Variants in TMEM164 observed in about 807,000 individuals in gnomAD.
The protein encoded by TMEM164 is transmembrane protein 164, also known as RP13-360B22.2.
A neutral mutation model predicts 18.8 loss-of-function variants in TMEM164; 4 were observed. The observed-to-expected ratio is 0.21, with a 90% CI of 0.10 to 0.49. The LOEUF (loss-of-function observed/expected upper bound fraction) is 0.49, where lower values mean the gene tolerates loss of function less well. Among genes scored for constraint, TMEM164 ranks in the 20% least tolerant of loss-of-function variants. The pLI, the probability that TMEM164 is intolerant of heterozygous loss-of-function variation, is 0.98. For synonymous variants in TMEM164, 86 were observed against 101.7 expected (o/e 0.85, Z 0.93); for missense variants, 108 against 239.9 (o/e 0.45, Z 3.63).
At chrX:110,097,692 T>C (rs2066043875) in intron 3 of TMEM164, among the ~76,000 whole-genome samples, 1 of 112,243 alleles carries the variant, frequency 8.9e-6, no homozygotes, top group Non-Finnish European at 1.9e-5. Flanking sequence ...AGAGGACAAC[T>C]GAATCAATAA....
chrX:110,146,903 C>G (rs868656223), intron 5 of TMEM164, among the ~76,000 whole-genome samples: 1 of 112,469 alleles, frequency 8.9e-6, no homozygotes, highest in Non-Finnish European at 1.9e-5. Context: ...AGCCGAGAGT[C>G]TGGGGCTTCT....
chrX:110,022,572 C>T (rs1008872821), intron 2 of TMEM164, among the ~76,000 whole-genome samples: 8 of 111,191 alleles, frequency 7.2e-5, no homozygotes, highest in Non-Finnish European at 1.5e-4. Context: ...AAAAACCCAG[C>T]GGTGGTAAAA....
chrX:110,051,647 G>T (rs1935567463), intron 2 of TMEM164, among the ~76,000 whole-genome samples: 1 of 111,085 alleles, frequency 9.0e-6, no homozygotes, highest in South Asian at 3.8e-4. Flanking sequence ...AGCTGGCTTG[G>T]CTTCTGGGCT....
At chrX:110,028,575 G>A (rs774590401) in intron 2 of TMEM164, among the ~76,000 whole-genome samples, 1 of 111,876 alleles carries the variant, frequency 8.9e-6, no homozygotes, top group East Asian at 2.8e-4. Context: ...AAGTATTTTG[G>A]AATTTCCATT....
At position 110,004,030 on chromosome X, in the gene TMEM164, G is replaced by C; in HGVS notation, c.256G>C (p.Gly86Arg). The change falls in exon 2 of 7, where the codon GGC becomes CGC. Residue 86 changes from glycine to arginine, a missense_variant. Physicochemically the swap from Gly to Arg is moderately radical, Grantham distance 125. Coordinates refer to ENST00000372068, the MANE Select transcript of TMEM164 (RefSeq NM_032227.4). The stretch of plus-strand genomic sequence containing the variant: ...GCAGGTGACCCAGCGGCCAGAGGAA[G>C]GCAAGGAGAGCCTGAGCAAGAATCT... ...PEQVTQRPEE[G>R]KESLSKNLLL... 1 of 1,211,520 alleles carries C rather than the reference G, an allele frequency of 8.3e-7. No homozygotes were observed. Among genetic ancestry groups the C allele is most frequent in the Non-Finnish European group, 1.1e-6 (1 of 895,475 alleles).
intron 2 of TMEM164, among the ~76,000 whole-genome samples, chrX:110,038,199 G>C (rs1343558622): frequency 9.1e-6 from 1 of 110,234 alleles, no homozygotes; most frequent in Non-Finnish European, 1.9e-5. Flanking sequence ...CACCGTTTTA[G>C]CCGGGATGGT....
intron 3 of TMEM164, among the ~76,000 whole-genome samples, chrX:110,101,970 T>C (rs1485815800): frequency 9.2e-6 from 1 of 108,965 alleles, no homozygotes; most frequent in East Asian, 2.9e-4. Context: ...TTTGCTCTTA[T>C]TTTTTTTATT....
chrX:110,035,306 C>T (rs1934739968), intron 2 of TMEM164, among the ~76,000 whole-genome samples: 1 of 108,897 alleles, frequency 9.2e-6, no homozygotes, highest in Non-Finnish European at 1.9e-5. Context: ...AACATTTTTG[C>T]TTATTCTCCT....
intron 3 of TMEM164, among the ~76,000 whole-genome samples, chrX:110,079,673 A>G (rs950755898): frequency 3.6e-5 from 4 of 111,272 alleles, no homozygotes; most frequent in African/African-American, 1.3e-4. Flanking sequence ...GCCAATTGAG[A>G]TGTCTGTGGT....
chrX:110,035,075 T>TG (rs1334902611), intron 2 of TMEM164, among the ~76,000 whole-genome samples: 11 of 37,169 alleles, frequency 3.0e-4, no homozygotes, highest in Admixed American at 1.4e-3. Flanking sequence ...TGTTGTGGGG[T>TG]GGGGGGAGGG....
At chrX:110,140,574 G>A (rs922974168) in intron 4 of TMEM164, among the ~76,000 whole-genome samples, 3 of 111,389 alleles carry the variant, frequency 2.7e-5, no homozygotes, top group Non-Finnish European at 5.7e-5. Flanking sequence ...TTCTTTCCAC[G>A]AACAGAGTCC....
At chrX:110,005,007 C>A (rs1179490671) in intron 2 of TMEM164, among the ~76,000 whole-genome samples, 1 of 112,109 alleles carries the variant, frequency 8.9e-6, no homozygotes, top group African/African-American at 3.2e-5. Flanking sequence ...AAGAGTGAGA[C>A]TGTCTGTATT....
At chrX:110,180,610 C>G (rs1217284927), downstream of TMEM164, among the ~76,000 whole-genome samples, 1 of 110,426 alleles carries the variant, frequency 9.1e-6, no homozygotes. Context: ...TCTCCTGTGG[C>G]TAATGGATGC....
chrX:110,148,209 T>C (rs2066885541), intron 5 of TMEM164, among the ~76,000 whole-genome samples: 1 of 111,180 alleles, frequency 9.0e-6, no homozygotes, highest in African/African-American at 3.3e-5. Context: ...CCTCCTCAAA[T>C]TTCCTGTCTA....
At chrX:110,069,756 T>G (rs1401383636) in intron 3 of TMEM164, among the ~76,000 whole-genome samples, 1 of 110,458 alleles carries the variant, frequency 9.1e-6, no homozygotes, top group Non-Finnish European at 1.9e-5. Flanking sequence ...TTCCATATAA[T>G]TGTTTGCATT....
intron 4 of TMEM164, among the ~76,000 whole-genome samples, chrX:110,138,794 C>T (rs763281614): frequency 1.1e-3 from 122 of 111,993 alleles, no homozygotes; most frequent in African/African-American, 4.0e-3. Context: ...TAGAATCTCT[C>T]TGACACCCTG....
intron 3 of TMEM164, among the ~76,000 whole-genome samples, chrX:110,092,606 G>T (rs112008260): frequency 0.061 from 6,800 of 111,609 alleles, 484 homozygotes; most frequent in African/African-American, 0.2. Flanking sequence ...AAAGAGATTT[G>T]GGGCTGAGAT....
Position 110,012,850 on chromosome X carries a change from G to GA in TMEM164, c.390+8687dup, listed in dbSNP as rs1248744690. Among the ~76,000 whole-genome samples the GA allele has an allele frequency of 2.7e-5, 3 of 112,166 alleles. No individual in the cohort carries two copies. In the Admixed American group the frequency reaches 2.8e-4, roughly 11 times the overall value. On this transcript the variant is annotated intron_variant, in intron 2 of 6. Transcript: ENST00000372068. ...AGATCCTGAAGGGAAGGGTTTGGGG[G>GA]ATCTCTTGATTGGTTTTGGTTCCCG...
chrX:110,015,580 T>TGTGTGC (rs1433935940), intron 2 of TMEM164, among the ~76,000 whole-genome samples: 7 of 108,263 alleles, frequency 6.5e-5, no homozygotes, highest in African/African-American at 2.4e-4. Flanking sequence ...TGTGTGTGTG[T>TGTGTGC]GCGCGCCTGT....
Sources: allele counts gnomAD v4.1 joint callset (sites outside exome capture counted in the v4.1 genomes callset), GRCh38; gene constraint gnomAD v4.1.1; transcripts MANE v1.5; gene names NCBI Gene and HGNC (gene_info 2026-07-23, HGNC 2026-07-21).